HECW2: variants seen among roughly 807,000 people sequenced by gnomAD.
HECW2 encodes the protein E3 ubiquitin-protein ligase HECW2.
Under a neutral mutation model 175.2 loss-of-function variants are expected in HECW2, and 61 were observed. That is an observed-to-expected ratio of 0.35 (90% confidence interval 0.28 to 0.43). The LOEUF (loss-of-function observed/expected upper bound fraction) is 0.43. HECW2 is among the 20% of genes least tolerant of loss of function. The pLI is 1.00. For synonymous variants in HECW2, 671 were observed against 731.0 expected (o/e 0.92, Z 1.32); for missense variants, 1,524 against 2,000.5 (o/e 0.76, Z 4.54).
In HECW2 at chr2:196,317,356, G is replaced by A. The variant is rs147305982; in HGVS notation, c.2352C>T (p.Asn784=). ...EEGATGGSQA[N]GHQPLRSLPS... ...GTAGTGATCGCAGTGGCTGGTGGCC[G>A]TTGGCTTGAGAACCTAGGATTAAAG... The change falls in exon 10 of 29, where the codon AAC becomes AAT. Residue 784 remains asparagine (N), a synonymous_variant. Transcript: ENST00000644978. The A allele has an allele frequency of 1.2e-5, 20 of 1,611,540 alleles. No homozygotes were observed. In the Admixed American group the frequency reaches 1.8e-4, roughly 15 times the overall value.
chr2:196,271,452 T>A (rs2105963893), intron 16 of HECW2, among the ~76,000 whole-genome samples, 163 bp from the exon 17 acceptor site: 1 of 151,562 alleles, frequency 6.6e-6, no homozygotes, highest in East Asian at 1.9e-4. Flanking sequence ...CTCAGCTAAT[T>A]TTTTTTTGTA....
At chr2:196,517,071 G>T (rs913658335) in intron 1 of HECW2, among the ~76,000 whole-genome samples, 1 of 152,206 alleles carries the variant, frequency 6.6e-6, no homozygotes, top group Non-Finnish European at 1.5e-5. Flanking sequence ...AGACACCAAG[G>T]TGTCCTGATG....
At chr2:196,391,424 TAACA>T (rs1553512009) in intron 2 of HECW2, among the ~76,000 whole-genome samples, 1 of 152,184 alleles carries the variant, frequency 6.6e-6, no homozygotes, top group Non-Finnish European at 1.5e-5. Flanking sequence ...CTGACTGACA[TAACA>T]ATCAATCAAG....
chr2:196,311,900 T>C (rs1205493216), intron 10 of HECW2, among the ~76,000 whole-genome samples: 1 of 152,156 alleles, frequency 6.6e-6, no homozygotes, highest in Non-Finnish European at 1.5e-5. Context: ...ATAGGCGCTT[T>C]TCAGTGGCTG....
rs1686905004 is a variant in HECW2, at chr2:196,483,316, AAAATCAAGAATTATAC to A, written c.-35-49874_-35-49859del. Among the ~76,000 whole-genome samples, 4 of 152,242 alleles carry A rather than the reference AAAATCAAGAATTATAC, an allele frequency of 2.6e-5. No individual in the cohort carries two copies. The South Asian group carries it at 8.3e-4, about 31-fold the overall frequency. On this transcript the variant is annotated intron_variant, in intron 1 of 28. Transcript: ENST00000644978. ...GCATTATGCTAAGCTCCATGTTACA[AAAATCAAGAATTATAC>A]AACTCCTTGAAGAATGAAGACTGCT...
chr2:196,474,075 T>C (rs1456502360), intron 1 of HECW2, among the ~76,000 whole-genome samples: 1 of 152,236 alleles, frequency 6.6e-6, no homozygotes, highest in Non-Finnish European at 1.5e-5. Context: ...CGAAATCAAG[T>C]AGTATCATCT....
chr2:196,246,545 C>T (rs1004509682), intron 19 of HECW2, among the ~76,000 whole-genome samples: 2 of 143,756 alleles, frequency 1.4e-5, no homozygotes, highest in African/African-American at 2.4e-5. Flanking sequence ...CCACCACGCC[C>T]GGCTAATTAT....
intron 21 of HECW2, among the ~76,000 whole-genome samples, chr2:196,229,591 C>T (rs909693402): frequency 6.6e-6 from 1 of 152,212 alleles, no homozygotes; most frequent in African/African-American, 2.4e-5. Context: ...GAGGCAGGAG[C>T]ATCTCTTGAG....
At chr2:196,465,105 T>C (rs879802607) in intron 1 of HECW2, among the ~76,000 whole-genome samples, 2 of 152,178 alleles carry the variant, frequency 1.3e-5, no homozygotes, top group Non-Finnish European at 2.9e-5. Context: ...AGAGGTAGGG[T>C]TCTACATGCA....
At chr2:196,253,407 A>C (rs991034907) in intron 19 of HECW2, among the ~76,000 whole-genome samples, 10 of 152,216 alleles carry the variant, frequency 6.6e-5, no homozygotes, top group Non-Finnish European at 1.3e-4. Context: ...ATTCAGGCCT[A>C]TCTCTTTCAA....
At chr2:196,484,292 C>T (rs556324200) in intron 1 of HECW2, among the ~76,000 whole-genome samples, 1 of 152,328 alleles carries the variant, frequency 6.6e-6, no homozygotes, top group East Asian at 1.9e-4. Flanking sequence ...CCACTCAGCT[C>T]AGTTACTCTA....
intron 19 of HECW2, 27 bp from the exon 20 acceptor site, chr2:196,242,231 A>G (rs1263154982): frequency 1.2e-6 from 2 of 1,613,602 alleles, no homozygotes; most frequent in South Asian, 1.1e-5. Context: ...AGAGAGGACA[A>G]TCTGGATTTG....
chr2:196,278,462 C>A, intron 15 of HECW2, 66 bp downstream of exon 15: 1 of 1,490,758 alleles, frequency 6.7e-7, no homozygotes, highest in Non-Finnish European at 9.1e-7. Context: ...AGTCAAATTC[C>A]TCAAACCATC....
At chr2:196,487,872 T>C (rs1468088443) in intron 1 of HECW2, among the ~76,000 whole-genome samples, 2 of 152,234 alleles carry the variant, frequency 1.3e-5, no homozygotes, top group East Asian at 3.8e-4. Context: ...GAATGCAACA[T>C]CTTTATAACA....
intron 1 of HECW2, among the ~76,000 whole-genome samples, chr2:196,587,870 G>C (rs2125536923): frequency 6.6e-6 from 1 of 152,200 alleles, no homozygotes; most frequent in Admixed American, 6.5e-5. Context: ...CCACCCTTCT[G>C]GTCTCATTTC....
At position 196,201,229 on chromosome 2, in the gene HECW2, C is replaced by G; in HGVS notation, c.*48G>C. The G allele has an allele frequency of 8.6e-7, 1 of 1,161,900 alleles. No individual in the cohort carries two copies. Among genetic ancestry groups the G allele is most frequent in the South Asian group, 1.2e-5 (1 of 81,812 alleles). 72.0% of individuals were successfully genotyped at this position (1,161,900 alleles called of 1,614,324 possible). ...AATGTTCAATCATTCTTCTAGAAGG[C>G]AGCTTCTGAACCTGCCTGTCCACAG... On this transcript the variant is annotated 3_prime_UTR_variant, in exon 29 of 29. Coordinates refer to ENST00000644978, the MANE Select transcript of HECW2 (RefSeq NM_001348768.2).
In HECW2 at chr2:196,332,634, C is replaced by T. The variant is rs114418247; in HGVS notation, c.495+1790G>A. On this transcript the variant is annotated intron_variant, in intron 4 of 28. Coordinates refer to ENST00000644978, the MANE Select transcript of HECW2 (RefSeq NM_001348768.2). ...TTCAACAAACCGTAAACTCCCACTGCCTTCAATGATATCTAAATACTGAAA... is the reference window on the plus strand; with the variant it reads ...TTCAACAAACCGTAAACTCCCACTGTCTTCAATGATATCTAAATACTGAAA... 1.4e-3 allele frequency among the ~76,000 whole-genome samples: 212 copies of T among 152,196 alleles called. 1 individual carries two copies. The highest frequency in any genetic ancestry group is 4.9e-3 in the African/African-American group (202 of 41,530).
intron 2 of HECW2, among the ~76,000 whole-genome samples, chr2:196,391,119 A>AGTGAGACAGGAGGCAGGGAGGAGG (rs1198387885): frequency 2.6e-5 from 4 of 152,226 alleles, no homozygotes; most frequent in Admixed American, 2.0e-4. Flanking sequence ...CAGGGAGGAG[A>AGTGAGACAGGAGGCAGGGAGGAGG]GTAAGACTGG....
At chr2:196,462,948 T>C (rs555302970) in intron 1 of HECW2, among the ~76,000 whole-genome samples, 24 of 152,200 alleles carry the variant, frequency 1.6e-4, no homozygotes, top group Non-Finnish European at 1.0e-4. Context: ...AAGAGAGAAG[T>C]GCCCTCCACT....
Sources: gnomAD v4.1 joint callset for allele counts (sites outside exome capture counted in the v4.1 genomes callset) on GRCh38, gnomAD v4.1.1 for gene constraint, MANE v1.5 for transcripts, NCBI Gene and HGNC (gene_info 2026-07-23, HGNC 2026-07-21) for gene names.